Variants in LEPR observed in about 807,000 individuals in gnomAD.
LEPR encodes leptin receptor.
A neutral mutation model predicts 114.7 loss-of-function variants in LEPR; 56 were observed. The ratio of observed to expected loss-of-function variants is 0.49; its 90% CI spans 0.39 to 0.61. The LOEUF (loss-of-function observed/expected upper bound fraction) is 0.61, where lower values mean the gene tolerates loss of function less well. LEPR is among the 20% of genes least tolerant of loss of function. LEPR has a pLI of 0.00. For synonymous variants in LEPR, 443 were observed against 461.4 expected (o/e 0.96, Z 0.51); for missense variants, 1,202 against 1,352.9 (o/e 0.89, Z 1.75).
intron 2 of LEPR, among the ~76,000 whole-genome samples, chr1:65,481,539 T>C (rs1647238341): frequency 6.6e-6 from 1 of 152,106 alleles, no homozygotes; most frequent in Admixed American, 6.6e-5. Context: ...ACTTTAGTTG[T>C]ATCAGAAAAT....
At chr1:65,515,319 T>C (rs1169314860) in intron 2 of LEPR, among the ~76,000 whole-genome samples, 3 of 152,178 alleles carry the variant, frequency 2.0e-5, no homozygotes, top group Admixed American at 6.5e-5. Flanking sequence ...CTTTATCCTG[T>C]AGGCAGTGCA....
chr1:65,579,337 T>C (rs552512004), intron 5 of LEPR, among the ~76,000 whole-genome samples: 1 of 152,242 alleles, frequency 6.6e-6, no homozygotes, highest in South Asian at 2.1e-4. Context: ...TTCTAGTCTA[T>C]AGAAAGTGAC....
chr1:65,421,293 C>G, intron 1 of LEPR: 1 of 1,500,502 alleles, frequency 6.7e-7, no homozygotes, highest in Non-Finnish European at 8.9e-7. Flanking sequence ...AATTTTAATA[C>G]TGCTTTCTTC....
At chr1:65,517,050 C>T (rs745635087) in intron 2 of LEPR, among the ~76,000 whole-genome samples, 2 of 152,172 alleles carry the variant, frequency 1.3e-5, no homozygotes, top group Admixed American at 6.5e-5. Flanking sequence ...CGAGTAATCT[C>T]CCATGGTTTT....
intron 2 of LEPR, among the ~76,000 whole-genome samples, chr1:65,517,577 A>G (rs185605753): frequency 6.6e-6 from 1 of 152,310 alleles, no homozygotes; most frequent in Non-Finnish European, 1.5e-5. Context: ...GCGGATACTC[A>G]GTAACATTTT....
chr1:65,437,823 A>G lies in LEPR; in HGVS notation c.-21+12445A>G, dbSNP rs1222977983. Among the ~76,000 whole-genome samples the G allele has an allele frequency of 2.6e-5, 4 of 151,832 alleles. No individual in the cohort carries two copies. In the East Asian group the frequency reaches 7.8e-4, roughly 30 times the overall value. On this transcript the variant is annotated intron_variant, in intron 2 of 19. Transcript: ENST00000349533. ...CCCAAAAGAGGCAAAGAAAAGAGCCATGTGGATTTTAGGGTCTCCTTCTGT... is the reference window on the plus strand; with the variant it reads ...CCCAAAAGAGGCAAAGAAAAGAGCCGTGTGGATTTTAGGGTCTCCTTCTGT...
chr1:65,525,078 A>G (rs563283826), intron 2 of LEPR, among the ~76,000 whole-genome samples: 3 of 152,344 alleles, frequency 2.0e-5, no homozygotes, highest in East Asian at 3.9e-4. Flanking sequence ...CCCACCCACC[A>G]GATGCGCGAA....
chr1:65,435,370 T>TCTTTTC (rs201944208), intron 2 of LEPR: 7 of 841,652 alleles, frequency 8.3e-6, no homozygotes, highest in Non-Finnish European at 9.8e-6. Flanking sequence ...TCTTTTCTTT[T>TCTTTTC]TTTTTTTTTT....
chr1:65,518,837 TTC>T (rs556450762), intron 2 of LEPR, among the ~76,000 whole-genome samples: 2 of 150,116 alleles, frequency 1.3e-5, no homozygotes, highest in South Asian at 2.1e-4. Context: ...GCCAGCTTTT[TTC>T]TTTTTTCTTT....
intron 2 of LEPR, among the ~76,000 whole-genome samples, chr1:65,545,814 A>C (rs1233910364): frequency 6.6e-6 from 1 of 151,706 alleles, no homozygotes; most frequent in African/African-American, 2.4e-5. Context: ...TAGTTTAATG[A>C]GATCTCATTT....
intron 2 of LEPR, chr1:65,429,903 C>T (rs879134302): frequency 6.5e-7 from 1 of 1,536,032 alleles, no homozygotes; most frequent in Admixed American, 1.7e-5. Context: ...CACGCCATCT[C>T]CCCCATCCCC....
chr1:65,454,324 T>C (rs1327082005), intron 2 of LEPR, among the ~76,000 whole-genome samples: 1 of 152,164 alleles, frequency 6.6e-6, no homozygotes, highest in Non-Finnish European at 1.5e-5. Flanking sequence ...ATCCTGTCAT[T>C]ATGATGTTAG....
chr1:65,622,520 A>C (rs1262109450), intron 18 of LEPR, among the ~76,000 whole-genome samples: 1 of 152,134 alleles, frequency 6.6e-6, no homozygotes, highest in Non-Finnish European at 1.5e-5. Flanking sequence ...CAAAAAAGAG[A>C]GAGAGGAGAT....
intron 2 of LEPR, among the ~76,000 whole-genome samples, chr1:65,541,716 T>C (rs189910778): frequency 6.6e-6 from 1 of 152,308 alleles, no homozygotes; most frequent in African/African-American, 2.4e-5. Context: ...TTAAATTAAA[T>C]GTTTAAATGC....
At chr1:65,586,509 A>G (rs1253422248) in intron 5 of LEPR, among the ~76,000 whole-genome samples, 3 of 151,784 alleles carry the variant, frequency 2.0e-5, no homozygotes, top group Admixed American at 6.6e-5. Context: ...GGTCACAGCT[A>G]TTCAACTCTG....
intron 14 of LEPR, among the ~76,000 whole-genome samples, chr1:65,613,685 G>A (rs1383869629): frequency 1.1e-5 from 1 of 93,492 alleles, no homozygotes; most frequent in African/African-American, 3.7e-5. Flanking sequence ...CCCAGGAAGC[G>A]GAGCTTGCAG....
chr1:65,436,648 G>A lies in LEPR; in HGVS notation c.-21+11270G>A, dbSNP rs551762414. Among the ~76,000 whole-genome samples, 49 of 152,334 alleles carry A rather than the reference G, an allele frequency of 3.2e-4. 1 individual carries two copies. In the South Asian group the frequency reaches 9.9e-3, roughly 31 times the overall value. ...ATTTGTGGTCAATACGAGGCACATA[G>A]GCAAAGTGGTCTTAATCCTGAGATT... On this transcript the variant is annotated intron_variant, in intron 2 of 19. Coordinates refer to ENST00000349533, the MANE Select transcript of LEPR (RefSeq NM_002303.6).
At chr1:65,488,805 T>C (rs968284532) in intron 2 of LEPR, among the ~76,000 whole-genome samples, 12 of 151,772 alleles carry the variant, frequency 7.9e-5, no homozygotes, top group African/African-American at 2.9e-4. Context: ...ATCCTTCTAC[T>C]CTCTATCTCA....
chr1:65,556,896 A>G (rs1652850262), intron 2 of LEPR, among the ~76,000 whole-genome samples: 2 of 152,128 alleles, frequency 1.3e-5, no homozygotes, highest in Admixed American at 6.6e-5. Flanking sequence ...GATCTGGTCA[A>G]TGTGTTAATA....
Sources: allele counts gnomAD v4.1 joint callset (sites outside exome capture counted in the v4.1 genomes callset), GRCh38; gene constraint gnomAD v4.1.1; transcripts MANE v1.5; gene names NCBI Gene and HGNC (gene_info 2026-07-23, HGNC 2026-07-21).